Variants in CACNA1E observed in about 807,000 individuals in gnomAD.
The protein encoded by CACNA1E is voltage-dependent R-type calcium channel subunit alpha-1E.
In CACNA1E, 40 loss-of-function variants were observed where a neutral mutation model predicts 259.2. The observed-to-expected ratio is 0.15, with a 90% CI of 0.12 to 0.20. The LOEUF (loss-of-function observed/expected upper bound fraction) is 0.20, where lower values mean the gene tolerates loss of function less well. CACNA1E is among the 10% of genes least tolerant of loss of function. CACNA1E has a pLI of 1.00. For missense variants in CACNA1E, 1,874 were observed against 3,040.1 expected, an observed-to-expected ratio of 0.62 and a Z score of 9.02; for synonymous variants, 1,104 against 1,138.5, an observed-to-expected ratio of 0.97 and a Z score of 0.61.
At chr1:181,730,404 GT>G (rs1419346237) in intron 18 of CACNA1E, among the ~76,000 whole-genome samples, 2 of 152,348 alleles carry the variant, frequency 1.3e-5, no homozygotes, top group African/African-American at 4.8e-5. Context: ...CATCCTGTCT[GT>G]TTTTGCGGGA....
intron 18 of CACNA1E, among the ~76,000 whole-genome samples, chr1:181,729,506 T>C (rs1057480411): frequency 6.6e-6 from 1 of 152,226 alleles, no homozygotes; most frequent in Non-Finnish European, 1.5e-5. Context: ...TGAGTGCTAG[T>C]TATATTTGTC....
intron 25 of CACNA1E, among the ~76,000 whole-genome samples, chr1:181,741,523 A>T (rs1656574935): frequency 6.6e-6 from 1 of 152,224 alleles, no homozygotes; most frequent in Non-Finnish European, 1.5e-5. Context: ...AGATGTGTGC[A>T]GGCTGGCCCA....
At chr1:181,653,502 T>C (rs2102074475) in intron 7 of CACNA1E, among the ~76,000 whole-genome samples, 1 of 152,352 alleles carries the variant, frequency 6.6e-6, no homozygotes, top group Middle Eastern at 3.4e-3. Flanking sequence ...CTTTCTTTTG[T>C]AAATGCCTCA....
chr1:181,337,892 G>T lies in CACNA1E; in HGVS notation c.-15+19769G>T, dbSNP rs540553183. 1.3e-4 allele frequency among the ~76,000 whole-genome samples: 20 copies of T among 152,272 alleles called. No individual in the cohort carries two copies. In the South Asian group the frequency reaches 3.9e-3, roughly 30 times the overall value. On this transcript the variant is annotated intron_variant, in intron 1 of 11. Transcript: ENST00000524607. ...TATATAACCAGCAGAAGCGTTGCTGGATCATATGGTAGTTCTATTTTTAAT... is the reference window on the plus strand; with the variant it reads ...TATATAACCAGCAGAAGCGTTGCTGTATCATATGGTAGTTCTATTTTTAAT...
intron 1 of CACNA1E, among the ~76,000 whole-genome samples, chr1:181,389,592 A>G (rs567743758): frequency 9.8e-5 from 15 of 152,376 alleles, no homozygotes; most frequent in Admixed American, 9.8e-4. Context: ...GAATAGTGCC[A>G]TAGCAGAAAT....
intron 3 of CACNA1E, among the ~76,000 whole-genome samples, chr1:181,518,524 G>A (rs72731250): frequency 0.08 from 12,189 of 152,180 alleles, 618 homozygotes; most frequent in South Asian, 0.25. Flanking sequence ...GGAGAGGTGG[G>A]CAAAAGACAA....
chr1:181,380,040 G>T (rs1655356536), intron 1 of CACNA1E, among the ~76,000 whole-genome samples: 1 of 147,372 alleles, frequency 6.8e-6, no homozygotes, highest in Non-Finnish European at 1.5e-5. Context: ...ATATGTATTT[G>T]ATATATATAT....
intron 7 of CACNA1E, among the ~76,000 whole-genome samples, chr1:181,687,049 T>TG (rs1414156718): frequency 2.0e-5 from 3 of 151,418 alleles, no homozygotes; most frequent in African/African-American, 7.3e-5. Flanking sequence ...AACATGAGAC[T>TG]GGTGGGGTGG....
chr1:181,328,751 G>T (rs1650994752), intron 1 of CACNA1E, among the ~76,000 whole-genome samples: 1 of 152,150 alleles, frequency 6.6e-6, no homozygotes. Flanking sequence ...GACAGATTGA[G>T]GGAAGGTAAG....
At chr1:181,379,347 C>T (rs1655309537) in intron 1 of CACNA1E, among the ~76,000 whole-genome samples, 1 of 152,108 alleles carries the variant, frequency 6.6e-6, no homozygotes, top group South Asian at 2.1e-4. Context: ...TATAAATCTA[C>T]AAATTCAAGA....
intron 1 of CACNA1E, among the ~76,000 whole-genome samples, chr1:181,406,507 T>C (rs767954122): frequency 3.3e-5 from 5 of 152,136 alleles, no homozygotes; most frequent in Non-Finnish European, 7.4e-5. Flanking sequence ...AGAAATTCTC[T>C]GCCTCAGCCT....
chr1:181,792,824 T>C (rs749848489), intron 44 of CACNA1E, among the ~76,000 whole-genome samples: 1 of 152,234 alleles, frequency 6.6e-6, no homozygotes, highest in Non-Finnish European at 1.5e-5. Flanking sequence ...TAGCTATCTG[T>C]ATAGCGCATG....
intron 1 of CACNA1E, among the ~76,000 whole-genome samples, chr1:181,393,430 T>A (rs1002190304): frequency 6.6e-6 from 1 of 152,190 alleles, no homozygotes; most frequent in African/African-American, 2.4e-5. Context: ...GCTTTGAGGA[T>A]GGAACTGTTG....
Position 181,579,233 on chromosome 1 carries a change from G to A in CACNA1E, c.769+9G>A, listed in dbSNP as rs747273664. 63 of 1,603,528 alleles carry A rather than the reference G, an allele frequency of 3.9e-5. No individual in the cohort carries two copies. In the South Asian group the frequency reaches 5.2e-4, roughly 13 times the overall value. On this transcript the variant is annotated intron_variant, in intron 5 of 47. Coordinates refer to ENST00000367573, the MANE Select transcript of CACNA1E (RefSeq NM_001205293.3). Reference sequence around the variant, plus strand: ...CTTCATGAACAATTCAGGTAGGGTCGTTCTTTTCTGTCTTCTCCTTTTCCC... The same window carrying A: ...CTTCATGAACAATTCAGGTAGGGTCATTCTTTTCTGTCTTCTCCTTTTCCC...
Position 181,621,779 on chromosome 1 carries a change from A to G in CACNA1E, c.952-29559A>G, listed in dbSNP as rs1054148275. Among the ~76,000 whole-genome samples, 4 of 152,282 alleles carry G rather than the reference A, an allele frequency of 2.6e-5. No homozygotes were observed. The East Asian group carries it at 5.8e-4, about 22-fold the overall frequency. On this transcript the variant is annotated intron_variant, in intron 6 of 47. Transcript: ENST00000367573. ...GTGTTATCAGCCATCTTTCAATTTC[A>G]ATGAGGAAACCAAGATGCCGAGAGA...
intron 7 of CACNA1E, among the ~76,000 whole-genome samples, chr1:181,696,719 T>G (rs985996277): frequency 2.0e-5 from 3 of 152,192 alleles, no homozygotes; most frequent in African/African-American, 7.2e-5. Flanking sequence ...ACAGATAATG[T>G]TTGCAGATAA....
chr1:181,319,682 G>A (rs984692893), intron 1 of CACNA1E, among the ~76,000 whole-genome samples: 1 of 152,158 alleles, frequency 6.6e-6, no homozygotes, highest in Non-Finnish European at 1.5e-5. Flanking sequence ...CAGAGATGTT[G>A]GTAATAATTA....
At chr1:181,407,968 A>G (rs1050165132) in intron 1 of CACNA1E, among the ~76,000 whole-genome samples, 1 of 152,210 alleles carries the variant, frequency 6.6e-6, no homozygotes, top group African/African-American at 2.4e-5. Context: ...CATCCAGCCT[A>G]TGGCAGACAG....
chr1:181,731,705 T>C (rs1350004238), intron 19 of CACNA1E, among the ~76,000 whole-genome samples: 1 of 152,134 alleles, frequency 6.6e-6, no homozygotes, highest in Non-Finnish European at 1.5e-5. Flanking sequence ...GATTTCCCGC[T>C]GCCCCATGAA....
Sources: allele counts gnomAD v4.1 joint callset (sites outside exome capture counted in the v4.1 genomes callset), GRCh38; gene constraint gnomAD v4.1.1; transcripts MANE v1.5; gene names NCBI Gene and HGNC (gene_info 2026-07-23, HGNC 2026-07-21).